Variants in NWD2 observed in about 807,000 individuals in gnomAD.
NWD2 encodes the protein NACHT and WD repeat domain-containing protein 2.
Under a neutral mutation model 132.7 loss-of-function variants are expected in NWD2, and 37 were observed. The observed-to-expected ratio is 0.28, with a 90% CI of 0.21 to 0.37. The LOEUF (loss-of-function observed/expected upper bound fraction) is 0.37. NWD2 is among the 10% of genes least tolerant of loss of function. NWD2 has a pLI of 1.00. For synonymous variants in NWD2, 705 were observed against 803.0 expected (o/e 0.88, Z 2.06); for missense variants, 1,592 against 2,122.4 (o/e 0.75, Z 4.91).
chr4:37,376,932 A>T (rs1214945951), intron 3 of NWD2, among the ~76,000 whole-genome samples: 1 of 152,222 alleles, frequency 6.6e-6, no homozygotes, highest in African/African-American at 2.4e-5. Flanking sequence ...TCAGGAATAC[A>T]TATCTACTGT....
At chr4:37,393,494 T>C (rs1351835040) in intron 3 of NWD2, among the ~76,000 whole-genome samples, 1 of 152,150 alleles carries the variant, frequency 6.6e-6, no homozygotes, top group East Asian at 1.9e-4. Context: ...TCAATATAAG[T>C]ACAACTGGAA....
chr4:37,402,246 T>G (rs1219598317), intron 3 of NWD2, among the ~76,000 whole-genome samples: 1 of 152,206 alleles, frequency 6.6e-6, no homozygotes, highest in Non-Finnish European at 1.5e-5. Flanking sequence ...AAATTTATTT[T>G]CTTTATAAAT....
At chr4:37,274,987 A>C (rs1717975340) in intron 1 of NWD2, among the ~76,000 whole-genome samples, 1 of 152,184 alleles carries the variant, frequency 6.6e-6, no homozygotes, top group African/African-American at 2.4e-5. Context: ...TGAATGGACA[A>C]AAACTGGAAG....
Position 37,244,996 on chromosome 4 carries a change from G to T in NWD2, c.-72G>T. On this transcript the variant is annotated 5_prime_UTR_variant, in exon 1 of 7. Transcript: ENST00000309447. This position sits in a 1 kb window ranked among gnomAD's most constrained non-coding sequence, Gnocchi z 5.5. ...GATCGACCGCCTGCTGAGCCGTTCC[G>T]TGGAGCTGCGGGCAGGAACCCGAGG... 2 of 1,529,352 alleles carry T rather than the reference G, an allele frequency of 1.3e-6. No homozygotes were observed. The highest frequency in any genetic ancestry group is 1.8e-6 in the Non-Finnish European group (2 of 1,140,986). 94.7% of individuals were successfully genotyped at this position (1,529,352 alleles called of 1,614,324 possible).
intron 3 of NWD2, among the ~76,000 whole-genome samples, chr4:37,418,118 T>A (rs554067865): frequency 3.0e-4 from 45 of 152,172 alleles, no homozygotes; most frequent in African/African-American, 9.9e-4. Context: ...GACTGGAGTA[T>A]CTTGTAGTAC....
At chr4:37,362,424 A>G (rs1719998851) in intron 3 of NWD2, among the ~76,000 whole-genome samples, 1 of 152,222 alleles carries the variant, frequency 6.6e-6, no homozygotes, top group Non-Finnish European at 1.5e-5. Flanking sequence ...AAACTATGCT[A>G]TAAGGCTACA....
Position 37,443,740 on chromosome 4 carries a change from G to C in NWD2, c.1752G>C (p.Gln584His). 1 of 1,551,968 alleles carries C rather than the reference G, an allele frequency of 6.4e-7. No individual in the cohort carries two copies. Among genetic ancestry groups the C allele is most frequent in the South Asian group, 1.2e-5 (1 of 84,036 alleles). The change falls in exon 7 of 7, where the codon CAG becomes CAC. Residue 584 changes from glutamine (Q) to histidine (H), a missense_variant. This residue lies in a region of NWD2 where 1,071 missense variants were observed against 1,398.0 expected (regional missense o/e 0.77). Coordinates refer to ENST00000309447, the MANE Select transcript of NWD2 (RefSeq NM_001144990.2). This position sits in a 1 kb window ranked among gnomAD's most constrained non-coding sequence, Gnocchi z 4.1. ...TGTGCAGCCAGGTCCTCAAACACCA[G>C]CTGCTGCGCGTCAAAAGGAAGGTCA... ...RKMCSQVLKH[Q>H]LLRVKRKVTS...
chr4:37,347,999 A>G (rs79990027), intron 2 of NWD2, among the ~76,000 whole-genome samples: 58 of 152,340 alleles, frequency 3.8e-4, no homozygotes, highest in Non-Finnish European at 6.8e-4. Context: ...TGATTTCAGT[A>G]TGTTGTAACA....
intron 1 of NWD2, among the ~76,000 whole-genome samples, chr4:37,284,277 A>G (rs1417780363): frequency 6.6e-6 from 1 of 152,218 alleles, no homozygotes; most frequent in African/African-American, 2.4e-5. Context: ...TTGTAAGGTC[A>G]CTAATCCAAT....
At chr4:37,388,521 T>A (rs1372358647) in intron 3 of NWD2, among the ~76,000 whole-genome samples, 1 of 151,998 alleles carries the variant, frequency 6.6e-6, no homozygotes, top group East Asian at 1.9e-4. Flanking sequence ...CTGGTTTGAA[T>A]TTTGGATACT....
At chr4:37,407,038 A>T (rs1721056773) in intron 3 of NWD2, among the ~76,000 whole-genome samples, 2 of 152,170 alleles carry the variant, frequency 1.3e-5, no homozygotes, top group African/African-American at 2.4e-5. Context: ...GAACAATGAG[A>T]ACACATGGAC....
In NWD2 at chr4:37,439,396, AG is replaced by A. The variant is rs1560256168; in HGVS notation, c.1296+7del. 1 of 1,428,026 alleles carries A rather than the reference AG, an allele frequency of 7.0e-7. No homozygotes were observed. Among genetic ancestry groups the A allele is most frequent in the East Asian group, 2.5e-5 (1 of 39,856 alleles). 88.5% of individuals were successfully genotyped at this position (1,428,026 alleles called of 1,614,324 possible). ...TAGCTGAAGTAGCAAAGAAGGTAAA[AG>A]CCTATTCTTTCCCGTGTATATTTGT... On this transcript the variant is annotated splice_region_variant and intron_variant, in intron 6 of 6. Transcript: ENST00000309447. This position sits in a 1 kb window ranked among gnomAD's most constrained non-coding sequence, Gnocchi z 4.5.
chr4:37,323,288 C>A (rs1333113711), intron 1 of NWD2, among the ~76,000 whole-genome samples: 1 of 152,088 alleles, frequency 6.6e-6, no homozygotes, highest in African/African-American at 2.4e-5. Context: ...AGAAAATATT[C>A]ACAAACTATG....
At chr4:37,354,206 TC>T (rs1322153041) in intron 2 of NWD2, among the ~76,000 whole-genome samples, 1 of 152,148 alleles carries the variant, frequency 6.6e-6, no homozygotes, top group Non-Finnish European at 1.5e-5. Context: ...GCCTGTTCCT[TC>T]CTCTGGAAGC....
At chr4:37,305,133 C>G (rs186491191) in intron 1 of NWD2, among the ~76,000 whole-genome samples, 1 of 152,230 alleles carries the variant, frequency 6.6e-6, no homozygotes, top group Non-Finnish European at 1.5e-5. Context: ...TGTGAAGCCA[C>G]GGCCTGAGCT....
intron 3 of NWD2, among the ~76,000 whole-genome samples, chr4:37,378,340 C>T (rs1230321641): frequency 8.5e-5 from 13 of 152,182 alleles, no homozygotes; most frequent in African/African-American, 2.9e-4. Context: ...ATTATCTAAG[C>T]TTCCTCGAAG....
At position 37,426,316 on chromosome 4, in the gene NWD2, G is replaced by A. The variant is rs574844944; in HGVS notation, c.358-4256G>A. ...CTAAAGGAAGAATCAATAGAGAGAA[G>A]GAAAAGAGTAAGGGAGAACAATCCA... On this transcript the variant is annotated intron_variant, in intron 3 of 6. Transcript: ENST00000309447. Among the ~76,000 whole-genome samples the A allele has an allele frequency of 1.1e-3, 165 of 152,244 alleles. 1 individual carries two copies. Among genetic ancestry groups the A allele is most frequent in the Non-Finnish European group, 1.8e-3 (124 of 68,012 alleles).
chr4:37,257,303 T>C (rs1717540683), intron 1 of NWD2, among the ~76,000 whole-genome samples: 1 of 152,232 alleles, frequency 6.6e-6, no homozygotes, highest in African/African-American at 2.4e-5. Context: ...TTGGTTTTGT[T>C]ATGCAGCAAT....
intron 1 of NWD2, among the ~76,000 whole-genome samples, chr4:37,250,559 C>T (rs1390985592): frequency 1.3e-5 from 2 of 152,150 alleles, no homozygotes; most frequent in Admixed American, 6.5e-5. Context: ...GCACTTAGGA[C>T]AGTGCTGGGC....
Sources: allele counts gnomAD v4.1 joint callset (sites outside exome capture counted in the v4.1 genomes callset), GRCh38; gene constraint gnomAD v4.1.1; regional missense constraint gnomAD v4.1.1; non-coding constraint Gnocchi (gnomAD v3.1); transcripts MANE v1.5; gene names NCBI Gene and HGNC (gene_info 2026-07-23, HGNC 2026-07-21).